Variants in SGCZ observed in about 807,000 individuals in gnomAD.
The protein encoded by SGCZ is zeta-sarcoglycan.
A neutral mutation model predicts 41.3 loss-of-function variants in SGCZ; 40 were observed. The observed-to-expected ratio is 0.97, with a 90% CI of 0.75 to 1.26. The LOEUF (loss-of-function observed/expected upper bound fraction) is 1.26, where lower values mean the gene tolerates loss of function less well. SGCZ is among the 50% of genes most tolerant of loss of function. The pLI is 0.00. For synonymous variants in SGCZ, 206 were observed against 137.5 expected (o/e 1.50, Z -3.49); for missense variants, 552 against 369.8 (o/e 1.49, Z -4.04).
At chr8:15,183,173 TAGAA>T (rs36077532) in intron 1 of SGCZ, among the ~76,000 whole-genome samples, 71,713 of 151,770 alleles carry the variant, frequency 0.47, 18,226 homozygotes, top group African/African-American at 0.65. Context: ...TTTTTATAAG[TAGAA>T]AGATTACACT....
At chr8:14,327,531 C>T (rs528534310) in intron 2 of SGCZ, among the ~76,000 whole-genome samples, 2 of 152,100 alleles carry the variant, frequency 1.3e-5, no homozygotes, top group Non-Finnish European at 2.9e-5. Flanking sequence ...AGTTCTAACA[C>T]AATTGTAATT....
At chr8:15,166,374 G>C (rs550781019) in intron 1 of SGCZ, among the ~76,000 whole-genome samples, 1 of 151,646 alleles carries the variant, frequency 6.6e-6, no homozygotes, top group African/African-American at 2.4e-5. Flanking sequence ...CAGCCTCCTG[G>C]GTAGCTGGGA....
intron 1 of SGCZ, among the ~76,000 whole-genome samples, chr8:14,797,593 A>G (rs1391598128): frequency 6.6e-6 from 1 of 152,204 alleles, no homozygotes; most frequent in Non-Finnish European, 1.5e-5. Flanking sequence ...ATTTTCTGGG[A>G]GAGAAATTCA....
intron 1 of SGCZ, among the ~76,000 whole-genome samples, chr8:14,945,339 T>C (rs1476319368): frequency 6.6e-6 from 1 of 152,158 alleles, no homozygotes; most frequent in Non-Finnish European, 1.5e-5. Context: ...TAGTCTTTCC[T>C]AATTAATTAT....
chr8:14,958,804 C>T (rs1800875823), intron 1 of SGCZ, among the ~76,000 whole-genome samples: 1 of 151,924 alleles, frequency 6.6e-6, no homozygotes, highest in South Asian at 2.1e-4. Flanking sequence ...ATGTCTGCAA[C>T]TTATTTTTAA....
intron 1 of SGCZ, among the ~76,000 whole-genome samples, chr8:15,175,494 A>G (rs1799968642): frequency 6.6e-6 from 1 of 152,166 alleles, no homozygotes; most frequent in East Asian, 1.9e-4. Context: ...ATGAGAACAC[A>G]TAGACACATA....
intron 1 of SGCZ, among the ~76,000 whole-genome samples, chr8:15,064,390 T>C (rs778959465): frequency 2.0e-5 from 3 of 152,132 alleles, no homozygotes; most frequent in African/African-American, 4.8e-5. Flanking sequence ...CCCGCACATA[T>C]ATTATACACA....
intron 1 of SGCZ, among the ~76,000 whole-genome samples, chr8:14,573,347 T>A (rs757604858): frequency 8.6e-5 from 13 of 150,958 alleles, no homozygotes; most frequent in African/African-American, 1.7e-4. Flanking sequence ...ACAGGAGCCC[T>A]CCATCGCGCC....
At chr8:14,807,699 A>G (rs1293958721) in intron 1 of SGCZ, among the ~76,000 whole-genome samples, 3 of 151,800 alleles carry the variant, frequency 2.0e-5, no homozygotes, top group Admixed American at 1.3e-4. Context: ...CAAGCTACCA[A>G]TGCCTTTCTT....
At chr8:14,302,874 A>C (rs192502523) in intron 3 of SGCZ, among the ~76,000 whole-genome samples, 145 of 152,314 alleles carry the variant, frequency 9.5e-4, no homozygotes, top group African/African-American at 2.1e-3. Flanking sequence ...AGGGCTCTCT[A>C]TTTCTCAGGA....
chr8:15,057,070 G>C (rs902418159), intron 1 of SGCZ, among the ~76,000 whole-genome samples: 4 of 152,134 alleles, frequency 2.6e-5, no homozygotes, highest in Admixed American at 6.5e-5. Flanking sequence ...CCCTTAATTG[G>C]GTGCACATGC....
Position 14,588,518 on chromosome 8 carries a change from A to T in SGCZ, c.40-33592T>A, listed in dbSNP as rs111857774. Among the ~76,000 whole-genome samples the T allele has an allele frequency of 3.4e-3, 525 of 152,286 alleles. 2 individuals carry two copies. The highest frequency in any genetic ancestry group is 0.012 in the African/African-American group (497 of 41,582). On this transcript the variant is annotated intron_variant, in intron 1 of 7. Transcript: ENST00000382080. ...CTAATTAAAAATTTTGCCCTAGAACATTTTATGTGATTCAAATATTACAAC... is the reference window on the plus strand; with the variant it reads ...CTAATTAAAAATTTTGCCCTAGAACTTTTTATGTGATTCAAATATTACAAC...
intron 4 of SGCZ, among the ~76,000 whole-genome samples, chr8:14,193,602 T>C (rs1376231714): frequency 6.6e-6 from 1 of 152,086 alleles, no homozygotes; most frequent in East Asian, 1.9e-4. Flanking sequence ...ACATTAAAAT[T>C]GTATTCTAAA....
intron 2 of SGCZ, among the ~76,000 whole-genome samples, chr8:14,442,587 A>T (rs946175981): frequency 6.6e-6 from 1 of 152,222 alleles, no homozygotes; most frequent in Admixed American, 6.5e-5. Context: ...GTTTGACAAT[A>T]TGTAACAAAG....
At chr8:14,988,181 T>A (rs1295305227) in intron 1 of SGCZ, among the ~76,000 whole-genome samples, 1 of 151,872 alleles carries the variant, frequency 6.6e-6, no homozygotes, top group Non-Finnish European at 1.5e-5. Flanking sequence ...ATCTGTGATA[T>A]CCAAACAGTA....
intron 4 of SGCZ, among the ~76,000 whole-genome samples, chr8:14,231,581 A>T (rs1430243651): frequency 3.3e-5 from 5 of 151,896 alleles, no homozygotes; most frequent in Non-Finnish European, 7.4e-5. Context: ...ATTGAGTTGG[A>T]CCAATAAACA....
chr8:15,185,846 T>C (rs1281704357), intron 1 of SGCZ, among the ~76,000 whole-genome samples: 1 of 152,206 alleles, frequency 6.6e-6, no homozygotes, highest in Admixed American at 6.5e-5. Context: ...GCATGACTTA[T>C]GAATATTTTA....
intron 1 of SGCZ, among the ~76,000 whole-genome samples, chr8:14,925,490 G>C (rs1799719235): frequency 6.6e-6 from 1 of 152,158 alleles, no homozygotes; most frequent in African/African-American, 2.4e-5. Flanking sequence ...ATAACAAGAT[G>C]CTTCTTAAAG....
chr8:14,899,534 G>T (rs971738777), intron 1 of SGCZ, among the ~76,000 whole-genome samples: 1 of 152,188 alleles, frequency 6.6e-6, no homozygotes, highest in African/African-American at 2.4e-5. Flanking sequence ...AGGGAGGTTT[G>T]CCAGGCAGGC....
Sources: gnomAD v4.1 joint callset for allele counts (sites outside exome capture counted in the v4.1 genomes callset) on GRCh38, gnomAD v4.1.1 for gene constraint, MANE v1.5 for transcripts, NCBI Gene and HGNC (gene_info 2026-07-23, HGNC 2026-07-21) for gene names.